Variants in MFF observed in about 807,000 individuals in gnomAD.
The protein encoded by MFF is chromosome 2 open reading frame 33.
MFF carries 12 observed loss-of-function variants against 36.9 expected under a neutral mutation model. That is an observed-to-expected ratio of 0.33 (90% CI 0.21 to 0.53). The LOEUF (loss-of-function observed/expected upper bound fraction) is 0.53. Among genes scored for constraint, MFF ranks in the 20% least tolerant of loss-of-function variants. The pLI, the probability that MFF is intolerant of heterozygous loss-of-function variation, is 0.95. For synonymous variants in MFF, 99 were observed against 126.2 expected (o/e 0.78, Z 1.44); for missense variants, 348 against 366.6 (o/e 0.95, Z 0.42).
intron 4 of MFF, 77 bp downstream of exon 4, chr2:227,332,665 CAT>C: frequency 9.3e-7 from 1 of 1,078,898 alleles, no homozygotes; most frequent in Admixed American, 2.5e-5. Flanking sequence ...GAGGCTTTAT[CAT>C]ATCTTTAGCA....
intron 4 of MFF, among the ~76,000 whole-genome samples, chr2:227,339,232 G>A (rs1234961000): frequency 6.6e-6 from 1 of 151,466 alleles, no homozygotes; most frequent in East Asian, 1.9e-4. Context: ...TTTCAAATAA[G>A]CAGAAAAGTT....
intron 6 of MFF, 85 bp downstream of exon 6, chr2:227,347,469 GT>G: frequency 1.8e-6 from 2 of 1,109,470 alleles, no homozygotes; most frequent in Non-Finnish European, 2.7e-6. Flanking sequence ...TTTCTTTTCT[GT>G]TTTTACCTTC....
At chr2:227,345,877 A>G (rs13035076) in intron 5 of MFF, among the ~76,000 whole-genome samples, 9 of 152,254 alleles carry the variant, frequency 5.9e-5, no homozygotes, top group African/African-American at 2.2e-4. Flanking sequence ...ACCAAATTTG[A>G]CCTAAATCCT....
chr2:227,334,010 A>G (rs995354170), intron 4 of MFF, among the ~76,000 whole-genome samples: 5 of 152,188 alleles, frequency 3.3e-5, no homozygotes, highest in Non-Finnish European at 5.9e-5. Context: ...GTCAAATGTG[A>G]TAGATGTTCA....
intron 5 of MFF, among the ~76,000 whole-genome samples, chr2:227,341,380 C>T (rs1432573254): frequency 6.6e-6 from 1 of 151,274 alleles, no homozygotes; most frequent in African/African-American, 2.4e-5. Flanking sequence ...ATTCCATTCT[C>T]TTGTGTTAGG....
chr2:227,330,569 C>G (rs912877999), intron 2 of MFF, 57 bp from the exon 3 acceptor site: 2 of 1,264,644 alleles, frequency 1.6e-6, no homozygotes. Context: ...AACTTCACTG[C>G]GTAGAGGAGA....
At chr2:227,347,650 C>G (rs1012004885) in intron 6 of MFF, among the ~76,000 whole-genome samples, 4 of 152,206 alleles carry the variant, frequency 2.6e-5, no homozygotes, top group Admixed American at 6.5e-5. Flanking sequence ...CTAGCCTACT[C>G]TAAGTACTTG....
rs370399338 is a variant in MFF, at chr2:227,357,423, A to G, written c.*306A>G. On this transcript the variant is annotated 3_prime_UTR_variant, in exon 9 of 9. Coordinates refer to ENST00000304593, the MANE Select transcript of MFF (RefSeq NM_001277062.2). ...AATTTATTTTTTGCCTCATCAGTCC[A>G]CCCAACTGATTCTGAATGGGAGAGA... 2.2e-4 allele frequency: 47 copies of G among 212,016 alleles called. No individual in the cohort carries two copies. The East Asian group carries it at 3.1e-3, about 14-fold the overall frequency. 13.1% of individuals were successfully genotyped at this position (212,016 alleles called of 1,614,324 possible).
intron 3 of MFF, among the ~76,000 whole-genome samples, chr2:227,331,331 C>A (rs2074556022): frequency 6.6e-6 from 1 of 152,120 alleles, no homozygotes; most frequent in South Asian, 2.1e-4. Flanking sequence ...TTTTGAGATT[C>A]TTCTGTTGTT....
chr2:227,354,981 T>G (rs1282870450), intron 7 of MFF, among the ~76,000 whole-genome samples: 1 of 152,018 alleles, frequency 6.6e-6, no homozygotes, highest in African/African-American at 2.4e-5. Flanking sequence ...GCCAAAATGG[T>G]GAAACCCCAT....
intron 1 of MFF, among the ~76,000 whole-genome samples, chr2:227,326,131 C>T (rs1033441511): frequency 6.6e-6 from 1 of 151,976 alleles, no homozygotes; most frequent in African/African-American, 2.4e-5. Flanking sequence ...AAGAACACCC[C>T]TGTCTACCTC....
rs550563265 is a variant in MFF, at chr2:227,332,101, A to G, written c.182-318A>G. Among the ~76,000 whole-genome samples the G allele has an allele frequency of 5.5e-4, 80 of 146,266 alleles. 1 individual carries two copies. In the South Asian group the frequency reaches 0.017, roughly 30 times the overall value. On this transcript the variant is annotated intron_variant, in intron 3 of 8. Transcript: ENST00000304593. ...ATTCTCCTGCCTCAGCCTCCCAAGT[A>G]GCTGGGACTACAGGCGCCCGCCACT...
rs181693885 is a variant in MFF, at chr2:227,339,258, T to G, written c.352-1034T>G. 3.1e-3 allele frequency among the ~76,000 whole-genome samples: 472 copies of G among 152,292 alleles called. 2 individuals are homozygous for G. Among genetic ancestry groups the G allele is most frequent in the Non-Finnish European group, 5.3e-3 (359 of 68,030 alleles). On this transcript the variant is annotated intron_variant, in intron 4 of 8. Coordinates refer to ENST00000304593, the MANE Select transcript of MFF (RefSeq NM_001277062.2). ...CAGAAAAGTTAATGATTATCACTGTTCTAGTTATCCATTTCTGTGTAACAA... is the reference window on the plus strand; with the variant it reads ...CAGAAAAGTTAATGATTATCACTGTGCTAGTTATCCATTTCTGTGTAACAA...
intron 3 of MFF, 140 bp from the exon 4 acceptor site, chr2:227,332,279 A>C (rs1377955144): frequency 2.9e-6 from 2 of 680,500 alleles, no homozygotes; most frequent in Non-Finnish European, 2.4e-6. Flanking sequence ...GCCTGGAAGC[A>C]TATTTTGAAA....
intron 3 of MFF, among the ~76,000 whole-genome samples, chr2:227,331,606 C>T (rs2074573866): frequency 6.6e-6 from 1 of 152,236 alleles, no homozygotes; most frequent in Admixed American, 6.5e-5. Context: ...TACTATGTTG[C>T]ATTCCATCAG....
chr2:227,328,172 A>G (rs2074301363), intron 1 of MFF, among the ~76,000 whole-genome samples: 5 of 152,030 alleles, frequency 3.3e-5, no homozygotes, highest in Admixed American at 3.3e-4. Flanking sequence ...GGAGTTTGAG[A>G]TCAGCCTGAA....
intron 5 of MFF, among the ~76,000 whole-genome samples, chr2:227,344,064 AGGCATGAGCCACT>A (rs542230747): frequency 1.4e-4 from 21 of 152,350 alleles, no homozygotes; most frequent in African/African-American, 4.6e-4. Flanking sequence ...CTGGGATTAT[AGGCATGAGCCACT>A]GTGCCCAGCC....
At chr2:227,351,015 G>C (rs2075969146) in intron 6 of MFF, among the ~76,000 whole-genome samples, 1 of 152,182 alleles carries the variant, frequency 6.6e-6, no homozygotes, top group African/African-American at 2.4e-5. Context: ...GGAAATCTCT[G>C]TGGTGGAATA....
intron 4 of MFF, among the ~76,000 whole-genome samples, chr2:227,337,004 G>A (rs1574924955): frequency 1.3e-5 from 2 of 152,370 alleles, no homozygotes; most frequent in Non-Finnish European, 2.9e-5. Flanking sequence ...ACACTTTGGT[G>A]ATGGTTTCTT....
Sources: gnomAD v4.1 joint callset for allele counts (sites outside exome capture counted in the v4.1 genomes callset) on GRCh38, gnomAD v4.1.1 for gene constraint, MANE v1.5 for transcripts, NCBI Gene and HGNC (gene_info 2026-07-23, HGNC 2026-07-21) for gene names.